ORC6: variants seen among roughly 807,000 people sequenced by gnomAD.
ORC6 encodes the protein origin recognition complex subunit 6, also known as origin recognition complex, subunit 6 homolog-like (yeast).
ORC6 carries 31 observed loss-of-function variants against 30.0 expected under a neutral mutation model. The observed-to-expected ratio is 1.03, with a 90% CI of 0.78 to 1.40. The LOEUF (loss-of-function observed/expected upper bound fraction) is 1.40. ORC6 is among the 40% of genes most tolerant of loss of function. The pLI, the probability that ORC6 is intolerant of heterozygous loss-of-function variation, is 0.00. For synonymous variants in ORC6, 136 were observed against 111.2 expected, an observed-to-expected ratio of 1.22 and a Z score of -1.40; for missense variants, 340 against 304.3, an observed-to-expected ratio of 1.12 and a Z score of -0.87.
rs763086060 is a variant in ORC6, at chr16:46,698,167, A to AGATAGATAGATG, written c.*593_*594insGGATAGATAGAT. The AGATAGATAGATG allele has an allele frequency of 3.1e-4, 124 of 402,492 alleles. No individual in the cohort carries two copies. The highest frequency in any genetic ancestry group is 1.8e-3 in the African/African-American group (75 of 41,162). The allele number at this position is 402,492 out of a possible 1,614,324, so 24.9% of individuals were successfully genotyped here. A position where few individuals can be genotyped will look rare whatever the true frequency, so the allele number is the denominator to read the frequency against. On this transcript the variant is annotated 3_prime_UTR_variant, in exon 7 of 7. Coordinates refer to ENST00000219097, the MANE Select transcript of ORC6 (RefSeq NM_014321.4). ...GGGTGACAGAGCGAGACTTATAGAT[A>AGATAGATAGATG]GATAGATAGATAGATGGATAGATAG... is the stretch of plus-strand genomic sequence containing the variant.
At chr16:46,690,765 A>G (rs1355994587) in intron 1 of ORC6, 1 of 587,978 alleles carries the variant, frequency 1.7e-6, no homozygotes, top group African/African-American at 1.9e-5. Flanking sequence ...TTTTGTCAAA[A>G]TTTAACTTCC....
At position 46,689,699 on chromosome 16, in the gene ORC6, C is replaced by G. The variant is rs372030964; in HGVS notation, c.-7C>G. The stretch of plus-strand genomic sequence containing the variant: ...TCACGGGAATTGTTCGCTTTAGTGC[C>G]GGCGCCATGGGGTCGGAGCTGATCG... On this transcript the variant is annotated 5_prime_UTR_variant, in exon 1 of 7. Coordinates refer to ENST00000219097, the MANE Select transcript of ORC6 (RefSeq NM_014321.4). The G allele has an allele frequency of 2.5e-6, 4 of 1,598,886 alleles. No homozygotes were observed. Among genetic ancestry groups the G allele is most frequent in the Admixed American group, 1.7e-5 (1 of 58,116 alleles).
At chr16:46,691,240 G>A (rs1369025205) in intron 2 of ORC6, 120 bp downstream of exon 2, 2 of 945,750 alleles carry the variant, frequency 2.1e-6, no homozygotes, top group South Asian at 1.4e-5. Context: ...GTATTCTTGT[G>A]TGTTATTCTG....
chr16:46,690,853 C>A, intron 1 of ORC6, 138 bp from the exon 2 acceptor site: 2 of 830,362 alleles, frequency 2.4e-6, no homozygotes, highest in Middle Eastern at 3.1e-4. Flanking sequence ...GAGGATATGA[C>A]CTTCATTCCC....
At chr16:46,692,608 G>A (rs898700576) in intron 3 of ORC6, 63 bp downstream of exon 3, 15 of 1,458,648 alleles carry the variant, frequency 1.0e-5, no homozygotes, top group South Asian at 5.7e-5. Flanking sequence ...GGTGGCTCAC[G>A]CCTGTAATCC....
At chr16:46,694,628 C>G (rs1467329719) in intron 4 of ORC6, 5 of 116,216 alleles carry the variant, frequency 4.3e-5, no homozygotes, top group South Asian at 5.8e-4. Flanking sequence ...GGCGGCTGGC[C>G]GGGCGGGGGG....
chr16:46,689,993 A>T (rs1181159633), intron 1 of ORC6, among the ~76,000 whole-genome samples: 3 of 152,208 alleles, frequency 2.0e-5, no homozygotes, highest in African/African-American at 4.8e-5. Context: ...CGTCCCTGGG[A>T]ACAGCCAGCC....
In ORC6 at chr16:46,689,766, C is replaced by G; in HGVS notation, c.61C>G (p.Leu21Val). ...PRLGLAEPDM[L>V]RKAEEYLRLS... ...CCTGGGCCTCGCCGAGCCCGACATG[C>G]TGAGGTGAGTTCGGCCGCGCAAGAC... The change falls in exon 1 of 7, where the codon CTG becomes GTG. Residue 21 changes from leucine (L) to valine (V), a missense_variant. Leu to Val is a conservative substitution (Grantham distance 32). Transcript: ENST00000219097. The G allele has an allele frequency of 6.3e-7, 1 of 1,595,780 alleles. No individual in the cohort carries two copies. The highest frequency in any genetic ancestry group is 1.7e-5 in the Admixed American group (1 of 57,830).
At chr16:46,693,361 T>G (rs1157406313) in intron 4 of ORC6, 179 bp downstream of exon 4, 1 of 618,738 alleles carries the variant, frequency 1.6e-6, no homozygotes, top group African/African-American at 1.8e-5. Context: ...AGCTAACAAC[T>G]TGGAACTAGT....
At chr16:46,692,853 G>A (rs1177708412) in intron 3 of ORC6, among the ~76,000 whole-genome samples, 1 of 150,278 alleles carries the variant, frequency 6.7e-6, no homozygotes, top group Non-Finnish European at 1.5e-5. Flanking sequence ...GGATGACAGA[G>A]CAAGACTCCG....
In ORC6 at chr16:46,691,017, C is replaced by T. The variant is rs1164764682; in HGVS notation, c.92C>T (p.Ser31Phe). ...AAAGCAGAGGAGTACTTGCGCCTGTCCCGGGTGAAGTGTGTCGGCCTCTCC... is the reference window on the plus strand; with the variant it reads ...AAAGCAGAGGAGTACTTGCGCCTGTTCCGGGTGAAGTGTGTCGGCCTCTCC... ...LRKAEEYLRL[S>F]RVKCVGLSAR... The change falls in exon 2 of 7, where the codon TCC becomes TTC. Residue 31 changes from serine (S) to phenylalanine (F), a missense_variant. Coordinates refer to ENST00000219097, the MANE Select transcript of ORC6 (RefSeq NM_014321.4). 6.2e-7 allele frequency: 1 copy of T among 1,614,230 alleles called. No individual in the cohort carries two copies. The highest frequency in any genetic ancestry group is 8.5e-7 in the Non-Finnish European group (1 of 1,180,026).
chr16:46,692,058 A>G (rs2143010480), intron 2 of ORC6, among the ~76,000 whole-genome samples: 1 of 151,962 alleles, frequency 6.6e-6, no homozygotes, highest in East Asian at 1.9e-4. Context: ...GCACCTTTGT[A>G]TAAACACAAG....
rs1966545388 is a variant in ORC6 at position 46,698,243 on chromosome 16, G to A, written c.*658G>A. 3 of 451,338 alleles carry A rather than the reference G, an allele frequency of 6.6e-6. No individual in the cohort carries two copies. The highest frequency in any genetic ancestry group is 1.3e-5 in the Non-Finnish European group (3 of 225,104). 28.0% of individuals were successfully genotyped at this position (451,338 alleles called of 1,614,324 possible). On this transcript the variant is annotated 3_prime_UTR_variant, in exon 7 of 7. Coordinates refer to ENST00000219097, the MANE Select transcript of ORC6 (RefSeq NM_014321.4). Reference sequence around the variant, plus strand: ...CGGAATTGGAGCCATTTTGCTTTAAGTGAATGGCAGTCCCTTGTCTTATTC... The same window carrying A: ...CGGAATTGGAGCCATTTTGCTTTAAATGAATGGCAGTCCCTTGTCTTATTC...
intron 1 of ORC6, 151 bp from the exon 2 acceptor site, chr16:46,690,840 C>T: frequency 1.3e-6 from 1 of 762,344 alleles, no homozygotes; most frequent in South Asian, 1.4e-5. Context: ...CTTCCTCTCA[C>T]CAGAGGATAT....
Position 46,695,612 on chromosome 16 carries a change from T to TA in ORC6, c.507dup (p.Ala170SerfsTer4), listed in dbSNP as rs35441257. On this transcript the variant is annotated frameshift_variant, in exon 5 of 7. Transcript: ENST00000219097. LOFTEE classifies it high-confidence loss of function. ...AACAAAATGGTAGCCACATCCGGTG[T>TA]AAAAAAAGCTATATTTGATCGACTG... 1.4e-5 allele frequency: 22 copies of TA among 1,613,690 alleles called. No individual in the cohort carries two copies. The highest frequency in any genetic ancestry group is 1.6e-4 in the Middle Eastern group (1 of 6,080).
At position 46,698,332 on chromosome 16, in the gene ORC6, T is replaced by A. The variant is rs1966546447; in HGVS notation, c.*747T>A. The A allele has an allele frequency of 2.3e-6, 1 of 444,420 alleles. No homozygotes were observed. Among genetic ancestry groups the A allele is most frequent in the Non-Finnish European group, 4.5e-6 (1 of 220,412 alleles). 27.5% of individuals were successfully genotyped at this position (444,420 alleles called of 1,614,324 possible). On this transcript the variant is annotated 3_prime_UTR_variant, in exon 7 of 7. Coordinates refer to ENST00000219097, the MANE Select transcript of ORC6 (RefSeq NM_014321.4). ...TTACTTCAATTTTTGTGTACGGTAT[T>A]TTTTATTTGACTAAATCAATATATT...
chr16:46,695,668 G>T lies in ORC6; in HGVS notation c.556G>T (p.Val186Phe), dbSNP rs368692007. The change falls in exon 5 of 7, where the codon GTC becomes TTC. Residue 186 changes from valine to phenylalanine, a missense_variant. Physicochemically the swap from Val to Phe is conservative, Grantham distance 50. Coordinates refer to ENST00000219097, the MANE Select transcript of ORC6 (RefSeq NM_014321.4). ...ACAACTAGAGAAGATTGGACAGCAG[G>T]TCGACAGTAAGTATTCTGTAGTTCA... is the stretch of plus-strand genomic sequence containing the variant. ...CKQLEKIGQQ[V>F]DREPGDVATP... 8.7e-5 allele frequency: 138 copies of T among 1,588,816 alleles called. 1 individual carries two copies. The highest frequency in any genetic ancestry group is 1.1e-4 in the Non-Finnish European group (131 of 1,157,108).
Position 46,692,404 on chromosome 16 carries a change from G to A in ORC6, c.218G>A (p.Gly73Asp). 2.5e-6 allele frequency: 4 copies of A among 1,613,596 alleles called. No individual in the cohort carries two copies. Among genetic ancestry groups the A allele is most frequent in the Non-Finnish European group, 2.5e-6 (3 of 1,179,648 alleles). ...LDRAYLIKLS[G>D]LNKETYQSCL... ...CAGGCTTATTTAATTAAACTTTCTG[G>A]TTTGAACAAGGAGACATATCAGAGC... The change falls in exon 3 of 7, where the codon GGT (glycine) becomes GAT (aspartate). Residue 73 changes from glycine to aspartate, a missense_variant. Coordinates refer to ENST00000219097, the MANE Select transcript of ORC6 (RefSeq NM_014321.4).
chr16:46,695,469 A>G (rs1213567091), intron 4 of ORC6, 93 bp from the exon 5 acceptor site: 5 of 776,554 alleles, frequency 6.4e-6, no homozygotes, highest in Non-Finnish European at 1.1e-5. Context: ...CTCTGGAAGC[A>G]TGGTCAAAAA....
Sources: gnomAD v4.1 joint callset for allele counts (sites outside exome capture counted in the v4.1 genomes callset) on GRCh38, gnomAD v4.1.1 for gene constraint, MANE v1.5 for transcripts, NCBI Gene and HGNC (gene_info 2026-07-23, HGNC 2026-07-21) for gene names.